IGSF9B: variants seen among roughly 807,000 people sequenced by gnomAD.
The protein encoded by IGSF9B is protein turtle homolog B.
Under a neutral mutation model 143.7 loss-of-function variants are expected in IGSF9B, and 48 were observed. The observed-to-expected ratio is 0.33, with a 90% CI of 0.26 to 0.42. The LOEUF (loss-of-function observed/expected upper bound fraction) is 0.42. IGSF9B is among the 20% of genes least tolerant of loss of function. The pLI is 1.00. For synonymous variants in IGSF9B, 903 were observed against 833.1 expected, an observed-to-expected ratio of 1.08 and a Z score of -1.44; for missense variants, 1,706 against 1,980.0, an observed-to-expected ratio of 0.86 and a Z score of 2.63.
intron 1 of IGSF9B, among the ~76,000 whole-genome samples, chr11:133,947,105 CAG>C (rs1940067030): frequency 6.6e-6 from 1 of 152,136 alleles, no homozygotes; most frequent in East Asian, 1.9e-4. Flanking sequence ...TGGCTGGCAG[CAG>C]AGAGGGCGAG....
rs373246926 is a variant in IGSF9B, at chr11:133,908,826, G to T, written c.*243C>A. 6.8e-4 allele frequency: 339 copies of T among 497,836 alleles called. 4 individuals carry two copies. In the South Asian group the frequency reaches 0.011, roughly 15 times the overall value. The allele number at this position is 497,836 out of a possible 1,614,324, so 30.8% of individuals were successfully genotyped here. ...GCAGGGGGCGGAGGGGAGGAGACAGGTGTTGCCCAGTCTCCAATCCACTTC... is the reference window on the plus strand; with the variant it reads ...GCAGGGGGCGGAGGGGAGGAGACAGTTGTTGCCCAGTCTCCAATCCACTTC... On this transcript the variant is annotated 3_prime_UTR_variant, in exon 20 of 20. Coordinates refer to ENST00000533871, the MANE Select transcript of IGSF9B (RefSeq NM_001277285.4).
At position 133,928,780 on chromosome 11, in the gene IGSF9B, TTTGAGATCTGTATCTAC is replaced by T. The variant is rs1219310875; in HGVS notation, c.1631+874_1631+890del. ...CTGCCCTCACCCCGCTTGGCACATTTTTGAGATCTGTATCTACCCTAAGGTTTGCGCAAAGACCTCAT... is the reference window on the plus strand; with the variant it reads ...CTGCCCTCACCCCGCTTGGCACATTTCCTAAGGTTTGCGCAAAGACCTCAT... On this transcript the variant is annotated intron_variant, in intron 12 of 19. Coordinates refer to ENST00000533871, the MANE Select transcript of IGSF9B (RefSeq NM_001277285.4). This position sits in a 1 kb window ranked among gnomAD's most constrained non-coding sequence, Gnocchi z 4.7. 1.3e-5 allele frequency among the ~76,000 whole-genome samples: 2 copies of T among 152,188 alleles called. No homozygotes were observed. The highest frequency in any genetic ancestry group is 2.9e-5 in the Non-Finnish European group (2 of 68,032).
At position 133,925,896 on chromosome 11, in the gene IGSF9B, G is replaced by T; in HGVS notation, c.1877C>A (p.Thr626Asn). Residue 626 changes from threonine (T) to asparagine (N), a missense_variant, in exon 14 of 20, where the codon ACT becomes AAT. Around this residue, in one of 7 missense-constraint regions of IGSF9B, gnomAD observed 267 missense variants for 321.1 expected, o/e 0.83. Coordinates refer to ENST00000533871, the MANE Select transcript of IGSF9B (RefSeq NM_001277285.4). ...CCAGGACAGGAGCACACCCTGCTGA[G>T]TCCGATTGGCTATGAGGCACCTCGG... ...TPPRCLIANR[T>N]QQGVLLSWLP... The T allele has an allele frequency of 6.2e-7, 1 of 1,612,626 alleles. No homozygotes were observed. The highest frequency in any genetic ancestry group is 8.5e-7 in the Non-Finnish European group (1 of 1,179,288).
In IGSF9B at chr11:133,940,220, G is replaced by A. The variant is rs547603270; in HGVS notation, c.410-2259C>T. 8.8e-5 allele frequency among the ~76,000 whole-genome samples: 12 copies of A among 136,052 alleles called. No individual in the cohort carries two copies. In the East Asian group the frequency reaches 2.2e-3, roughly 25 times the overall value. The allele number at this position is 136,052 out of a possible 152,430, so 89.3% of individuals were successfully genotyped here. A position where few individuals can be genotyped will look rare whatever the true frequency, so the allele number is the denominator to read the frequency against. Reference sequence around the variant, plus strand: ...ACACACACCTCGCACATCCTCGCACGCGTCATCGCACGCAAAAACACACAC... The same window carrying A: ...ACACACACCTCGCACATCCTCGCACACGTCATCGCACGCAAAAACACACAC... On this transcript the variant is annotated intron_variant, in intron 3 of 19. Transcript: ENST00000533871.
rs542219403 is a variant in IGSF9B, at chr11:133,902,307, CCA to C, written c.*6760_*6761del. On this transcript the variant is annotated 3_prime_UTR_variant, in exon 20 of 20. Transcript: ENST00000533871. ...CAGACACATCACACATACACGCACA[CCA>C]CAGATACACACACACCATACCACAC... Among the ~76,000 whole-genome samples, 21 of 147,134 alleles carry C rather than the reference CCA, an allele frequency of 1.4e-4. No individual in the cohort carries two copies. Among genetic ancestry groups the C allele is most frequent in the African/African-American group, 5.3e-4 (21 of 39,746 alleles).
intron 4 of IGSF9B, 119 bp from the exon 5 acceptor site, chr11:133,937,612 C>G (rs1939848528): frequency 1.0e-6 from 1 of 999,686 alleles, no homozygotes; most frequent in Admixed American, 2.3e-5. Flanking sequence ...ACAGATGCAT[C>G]TGGGGGACAC....
intron 4 of IGSF9B, 78 bp downstream of exon 4, chr11:133,937,732 G>C: frequency 2.7e-6 from 4 of 1,484,734 alleles, no homozygotes; most frequent in Non-Finnish European, 3.7e-6. Flanking sequence ...GTAGCATCAG[G>C]GGTCGGCTGC....
rs768526156 is a variant in IGSF9B, at chr11:133,920,523, C to T, written c.3202G>A (p.Glu1068Lys). The change falls in exon 18 of 20, where the codon GAG (glutamate) becomes AAG (lysine). Residue 1068 changes from glutamate (E) to lysine (K), a missense_variant. By Grantham distance (56) the Glu-to-Lys change is moderately conservative. Transcript: ENST00000533871. ...AGGCCGGCCTTGGGCTGCAGACTCT[C>T]GGGCACATCACAGGGTGGCAGCTGG... ...PHQLPPCDVP[E>K]SLQPKAGLPR... The T allele has an allele frequency of 6.1e-5, 98 of 1,606,450 alleles. No individual in the cohort carries two copies. The highest frequency in any genetic ancestry group is 1.0e-4 in the South Asian group (9 of 89,708).
intron 18 of IGSF9B, among the ~76,000 whole-genome samples, chr11:133,915,820 C>T (rs535656334): frequency 4.6e-5 from 7 of 152,340 alleles, no homozygotes; most frequent in African/African-American, 1.7e-4. Context: ...CTCTTCTAAT[C>T]ACCTAAGAGC....
chr11:133,951,362 C>G (rs1304160472), intron 1 of IGSF9B, among the ~76,000 whole-genome samples: 1 of 152,196 alleles, frequency 6.6e-6, no homozygotes, highest in African/African-American at 2.4e-5. Flanking sequence ...CCTCCCGGCC[C>G]CCACGCGCCA....
chr11:133,926,749 C>A (rs112987781), intron 13 of IGSF9B, among the ~76,000 whole-genome samples, 167 bp downstream of exon 13: 10 of 152,272 alleles, frequency 6.6e-5, no homozygotes, highest in Admixed American at 1.3e-4. Flanking sequence ...GACCAGCAAA[C>A]CCCACAGAGA....
intron 18 of IGSF9B, among the ~76,000 whole-genome samples, chr11:133,915,593 G>C (rs1565417039): frequency 6.6e-6 from 1 of 152,080 alleles, no homozygotes; most frequent in Non-Finnish European, 1.5e-5. Context: ...ATCATGACCA[G>C]GTAGCCCAGG....
chr11:133,917,750 C>T (rs141246244), intron 18 of IGSF9B, among the ~76,000 whole-genome samples: 1 of 152,190 alleles, frequency 6.6e-6, no homozygotes, highest in East Asian at 1.9e-4. Flanking sequence ...CCTAATACCA[C>T]GAAGATCTCA....
chr11:133,925,027 A>G (rs191896007), intron 14 of IGSF9B, 123 bp from the exon 15 acceptor site: 1 of 761,510 alleles, frequency 1.3e-6, no homozygotes, highest in African/African-American at 1.7e-5. Flanking sequence ...GAGGACTGCT[A>G]AGTGTCTAAT....
rs1467372138 is a variant in IGSF9B at position 133,956,603 on chromosome 11, G to A, written c.64+88C>T. 1.0e-5 allele frequency: 9 copies of A among 888,488 alleles called. No homozygotes were observed. In the East Asian group the frequency reaches 2.0e-4, roughly 20 times the overall value. The allele number at this position is 888,488 out of a possible 1,614,324, so 55.0% of individuals were successfully genotyped here. A position where few individuals can be genotyped will look rare whatever the true frequency, so the allele number is the denominator to read the frequency against. ...GCGCCGGGGAGCTGGGGAACCGGGG[G>A]GCCAAGGAGCCGGGAAACCGAGGGG... is the stretch of plus-strand genomic sequence containing the variant. On this transcript the variant is annotated intron_variant, in intron 1 of 19. Coordinates refer to ENST00000533871, the MANE Select transcript of IGSF9B (RefSeq NM_001277285.4).
intron 6 of IGSF9B, 77 bp downstream of exon 6, chr11:133,935,976 T>C: frequency 6.5e-7 from 1 of 1,541,454 alleles, no homozygotes; most frequent in Non-Finnish European, 8.8e-7. Context: ...AGCCTGCCCG[T>C]GCAATTTCTG....
chr11:133,939,299 C>G (rs200959248), intron 3 of IGSF9B, among the ~76,000 whole-genome samples: 1 of 116,160 alleles, frequency 8.6e-6, no homozygotes, highest in Non-Finnish European at 2.0e-5. Flanking sequence ...TCAGATGGCA[C>G]TTCCAGCATT....
intron 7 of IGSF9B, among the ~76,000 whole-genome samples, chr11:133,935,253 C>A (rs954893214): frequency 6.6e-6 from 1 of 152,212 alleles, no homozygotes; most frequent in Non-Finnish European, 1.5e-5. Context: ...CCATAAGACA[C>A]CTGAGAAAAG....
Position 133,953,121 on chromosome 11 carries a change from G to A in IGSF9B, c.64+3570C>T, listed in dbSNP as rs114029128. On this transcript the variant is annotated intron_variant, in intron 1 of 19. Transcript: ENST00000533871. The surrounding 1 kb of genome is among the most constrained non-coding windows in gnomAD (Gnocchi z 4.2). ...TGGCTGGGGAGAAGGCAAAGGTACA[G>A]GAGGTTGGAGTGAGGGCCAGAGTGA... Among the ~76,000 whole-genome samples the A allele has an allele frequency of 6.6e-6, 1 of 152,182 alleles. No homozygotes were observed. Among genetic ancestry groups the A allele is most frequent in the South Asian group, 2.1e-4 (1 of 4,834 alleles).
Sources: allele counts gnomAD v4.1 joint callset (sites outside exome capture counted in the v4.1 genomes callset), GRCh38; gene constraint gnomAD v4.1.1; regional missense constraint gnomAD v4.1.1; non-coding constraint Gnocchi (gnomAD v3.1); transcripts MANE v1.5; gene names NCBI Gene and HGNC (gene_info 2026-07-23, HGNC 2026-07-21).